MTRFR: variants seen among roughly 807,000 people sequenced by gnomAD.
MTRFR encodes the protein probable peptide chain release factor C12orf65, mitochondrial.
MTRFR carries 10 observed loss-of-function variants against 11.9 expected under a neutral mutation model. The observed-to-expected ratio is 0.84, with a 90% CI of 0.52 to 1.42. The LOEUF (loss-of-function observed/expected upper bound fraction) is 1.42. MTRFR is among the 40% of genes most tolerant of loss of function. The pLI is 0.00. For synonymous variants in MTRFR, 77 were observed against 79.1 expected, an observed-to-expected ratio of 0.97 and a Z score of 0.14; for missense variants, 196 against 197.9, an observed-to-expected ratio of 0.99 and a Z score of 0.06.
Position 123,256,895 on chromosome 12 carries a change from G to C in MTRFR, c.365G>C (p.Gly122Ala). The C allele has an allele frequency of 6.2e-7, 1 of 1,613,502 alleles. No homozygotes were observed. Among genetic ancestry groups the C allele is most frequent in the African/African-American group, 1.3e-5 (1 of 74,968 alleles). Residue 122 changes from glycine to alanine, a missense_variant, in exon 3 of 3, where the codon GGT becomes GCT. Coordinates refer to ENST00000253233, the MANE Select transcript of MTRFR (RefSeq NM_152269.5). ...GAGAAAGTAGATGTTTTCTACAATG[G>C]TGAAAACAGTCCTGTTCACAAAGAA... ...LQEKVDVFYN[G>A]ENSPVHKEKR...
chr12:123,239,671 G>A (rs1291399313), intron 1 of MTRFR, among the ~76,000 whole-genome samples: 1 of 152,136 alleles, frequency 6.6e-6, no homozygotes, highest in Admixed American at 6.5e-5. Context: ...CAAAGTGCTG[G>A]GATTACAGGC....
At chr12:123,236,826 C>T (rs1164071505) in intron 1 of MTRFR, among the ~76,000 whole-genome samples, 1 of 152,118 alleles carries the variant, frequency 6.6e-6, no homozygotes, top group African/African-American at 2.4e-5. Context: ...CGGTGGCTCA[C>T]ACCTCTCAGC....
chr12:123,254,564 G>A (rs1879380), intron 2 of MTRFR: 23,605 of 153,588 alleles, frequency 0.15, 2,283 homozygotes, highest in Middle Eastern at 0.26. Flanking sequence ...GAGGATCATG[G>A]AGGCCAGGCA....
chr12:123,251,882 A>C (rs2048116846), intron 1 of MTRFR: 1 of 152,458 alleles, frequency 6.6e-6, no homozygotes, highest in African/African-American at 2.4e-5. Context: ...ATGCAAATAA[A>C]TTATGATCAC....
At chr12:123,236,842 G>A (rs1593270872) in intron 1 of MTRFR, among the ~76,000 whole-genome samples, 1 of 152,034 alleles carries the variant, frequency 6.6e-6, no homozygotes, top group African/African-American at 2.4e-5. Flanking sequence ...TCAGCACTTT[G>A]AGAGGCCGAG....
intron 1 of MTRFR, among the ~76,000 whole-genome samples, chr12:123,236,957 C>T (rs914435248): frequency 6.6e-6 from 1 of 152,006 alleles, no homozygotes; most frequent in Non-Finnish European, 1.5e-5. Context: ...TGGCGGCATG[C>T]GCCTGTAGTC....
chr12:123,253,070 ATTTTTTTTTTTTTTTTTT>A (rs71085872), intron 1 of MTRFR, among the ~76,000 whole-genome samples: 31 of 34,842 alleles, frequency 8.9e-4, no homozygotes, highest in East Asian at 6.2e-3. Context: ...GTTCCTTTGA[ATTTTTTTTTTTTTTTTTT>A]TTTTTTTTTT....
At chr12:123,245,787 G>A (rs923230641) in intron 1 of MTRFR, among the ~76,000 whole-genome samples, 1 of 152,162 alleles carries the variant, frequency 6.6e-6, no homozygotes, top group African/African-American at 2.4e-5. Flanking sequence ...TCTTTTATCA[G>A]TTCTAGGAGC....
intron 1 of MTRFR, among the ~76,000 whole-genome samples, chr12:123,239,770 T>C (rs909216086): frequency 6.6e-6 from 1 of 151,924 alleles, no homozygotes; most frequent in Non-Finnish European, 1.5e-5. Context: ...ACATTTTTTA[T>C]TTTTTTTTCC....
At chr12:123,249,409 G>A (rs2048086293) in intron 1 of MTRFR, 2 of 152,724 alleles carry the variant, frequency 1.3e-5, no homozygotes, top group South Asian at 2.1e-4. Context: ...GAGGGAGCAG[G>A]GCAGGGGGAG....
At chr12:123,246,986 C>T (rs1314222183) in intron 1 of MTRFR, among the ~76,000 whole-genome samples, 2 of 151,908 alleles carry the variant, frequency 1.3e-5, no homozygotes, top group African/African-American at 2.4e-5. Context: ...GCCTCGGCCT[C>T]CCAAAGTGCT....
intron 1 of MTRFR, among the ~76,000 whole-genome samples, chr12:123,244,437 C>CAAAAAACA (rs2048002515): frequency 6.6e-6 from 1 of 150,784 alleles, no homozygotes; most frequent in Admixed American, 6.6e-5. Flanking sequence ...CATCTCAAAA[C>CAAAAAACA]AAAAAACAAA....
Position 123,256,919 on chromosome 12 carries a change from A to G in MTRFR, c.389A>G (p.Glu130Gly), listed in dbSNP as rs1265373221. Residue 130 changes from glutamate to glycine, a missense_variant, in exon 3 of 3, where the codon GAA (glutamate) becomes GGA (glycine). Transcript: ENST00000253233. ...YNGENSPVHKEKREAAKKKQE... is the reference protein window; with the variant it reads ...YNGENSPVHKGKREAAKKKQE... ...GGTGAAAACAGTCCTGTTCACAAAG[A>G]AAAACGAGAAGCGGCGAAGAAAAAA... is the stretch of plus-strand genomic sequence containing the variant. 6.2e-7 allele frequency: 1 copy of G among 1,613,776 alleles called. No homozygotes were observed.
Position 123,254,258 on chromosome 12 carries a change from A to G in MTRFR, c.282+302A>G, listed in dbSNP as rs1348511167. The G allele has an allele frequency of 1.0e-5, 4 of 386,976 alleles. No individual in the cohort carries two copies. In the East Asian group the frequency reaches 2.0e-4, roughly 20 times the overall value. The allele number at this position is 386,976 out of a possible 1,614,324, so 24.0% of individuals were successfully genotyped here. ...ACTGGTGCTTGGCTGCTGCCCCGGAAGCAACGTCTTGACAAAGCTAAGCAG... is the reference window on the plus strand; with the variant it reads ...ACTGGTGCTTGGCTGCTGCCCCGGAGGCAACGTCTTGACAAAGCTAAGCAG... On this transcript the variant is annotated intron_variant, in intron 2 of 2. Transcript: ENST00000253233.
chr12:123,234,350 C>A (rs1358254617), intron 1 of MTRFR, among the ~76,000 whole-genome samples: 1 of 150,082 alleles, frequency 6.7e-6, no homozygotes, highest in Non-Finnish European at 1.5e-5. Flanking sequence ...CTCATTGGAG[C>A]TTCCTAAGTA....
At chr12:123,256,414 C>T (rs922379689) in intron 2 of MTRFR, among the ~76,000 whole-genome samples, 2 of 152,210 alleles carry the variant, frequency 1.3e-5, no homozygotes, top group African/African-American at 4.8e-5. Context: ...CTGGTCTTCA[C>T]TGTCACTGAC....
chr12:123,241,717 C>T (rs2047940928), intron 1 of MTRFR, among the ~76,000 whole-genome samples: 1 of 152,204 alleles, frequency 6.6e-6, no homozygotes, highest in Non-Finnish European at 1.5e-5. Context: ...AATCCTCCCA[C>T]CTCAGCCTCC....
rs546313515 is a variant in MTRFR at position 123,242,509 on chromosome 12, T to G, written c.-29+8978T>G. 9.2e-5 allele frequency among the ~76,000 whole-genome samples: 14 copies of G among 152,262 alleles called. No individual in the cohort carries two copies. The South Asian group carries it at 2.7e-3, about 29-fold the overall frequency. On this transcript the variant is annotated intron_variant, in intron 1 of 2. Coordinates refer to ENST00000253233, the MANE Select transcript of MTRFR (RefSeq NM_152269.5). ...TTTGGCCTTTGGGGAAGTGGAACCATGGGTGTGTTTGTCATTTTTAGCAGT... is the reference window on the plus strand; with the variant it reads ...TTTGGCCTTTGGGGAAGTGGAACCAGGGGTGTGTTTGTCATTTTTAGCAGT...
At chr12:123,247,313 T>C (rs1471865049) in intron 1 of MTRFR, among the ~76,000 whole-genome samples, 1 of 152,174 alleles carries the variant, frequency 6.6e-6, no homozygotes, top group Admixed American at 6.5e-5. Context: ...TTAGTAATTG[T>C]TTTATAAATT....
Sources: gnomAD v4.1 joint callset for allele counts (sites outside exome capture counted in the v4.1 genomes callset) on GRCh38, gnomAD v4.1.1 for gene constraint, MANE v1.5 for transcripts, NCBI Gene and HGNC (gene_info 2026-07-23, HGNC 2026-07-21) for gene names.